The following ST3GAL3 variants were observed in gnomAD, a reference collection of about 807,000 sequenced individuals.
ST3GAL3 encodes ST3 beta-galactoside alpha-2,3-sialyltransferase 3.
A neutral mutation model predicts 50.1 loss-of-function variants in ST3GAL3; 21 were observed. The ratio of observed to expected loss-of-function variants is 0.42; its 90% CI spans 0.30 to 0.60. The LOEUF (loss-of-function observed/expected upper bound fraction) is 0.60. Among genes scored for constraint, ST3GAL3 ranks in the 20% least tolerant of loss-of-function variants. The pLI is 0.19. For missense variants in ST3GAL3, 353 were observed against 489.4 expected, an observed-to-expected ratio of 0.72 and a Z score of 2.63; for synonymous variants, 183 against 190.0, an observed-to-expected ratio of 0.96 and a Z score of 0.30.
intron 4 of ST3GAL3, among the ~76,000 whole-genome samples, chr1:43,822,052 T>A (rs182222629): frequency 2.0e-5 from 3 of 152,022 alleles, no homozygotes; most frequent in Non-Finnish European, 4.4e-5. Context: ...GTTGAAGAGA[T>A]TGCAAGTTGC....
chr1:43,744,806 C>G (rs536938074), intron 2 of ST3GAL3, among the ~76,000 whole-genome samples: 82 of 150,772 alleles, frequency 5.4e-4, no homozygotes, highest in African/African-American at 1.9e-3. Flanking sequence ...AGTTTGAGAC[C>G]GTGAAACCCC....
In ST3GAL3 at chr1:43,930,117, C is replaced by G; in HGVS notation, c.1039-15C>G. On this transcript the variant is annotated splice_polypyrimidine_tract_variant and intron_variant, in intron 11 of 11. Transcript: ENST00000347631. ...TGAGCAAAGGCCCAACTGATCACTT[C>G]ATCTCTCCTTTCAGTCCTGGACGCA... 1 of 1,613,390 alleles carries G rather than the reference C, an allele frequency of 6.2e-7. No homozygotes were observed. The highest frequency in any genetic ancestry group is 8.5e-7 in the Non-Finnish European group (1 of 1,179,332).
chr1:43,765,799 G>GCA (rs1558204106), intron 2 of ST3GAL3, among the ~76,000 whole-genome samples: 2 of 143,384 alleles, frequency 1.4e-5, no homozygotes, highest in Admixed American at 1.3e-4. Context: ...GCGCGCGCGC[G>GCA]CGTCCGCGCG....
chr1:43,725,989 T>A (rs1207055190), intron 1 of ST3GAL3, among the ~76,000 whole-genome samples: 1 of 152,158 alleles, frequency 6.6e-6, no homozygotes, highest in Non-Finnish European at 1.5e-5. Context: ...AAAGCATTTC[T>A]CTATACCATT....
chr1:43,811,079 C>G (rs938868114), intron 3 of ST3GAL3, among the ~76,000 whole-genome samples: 4 of 152,186 alleles, frequency 2.6e-5, no homozygotes, highest in Non-Finnish European at 5.9e-5. Context: ...TCCTACTGTT[C>G]CCTTAAAATG....
chr1:43,736,396 C>T lies in ST3GAL3; in HGVS notation c.118+16C>T, dbSNP rs1233749343. On this transcript the variant is annotated intron_variant, in intron 2 of 11. Transcript: ENST00000347631. ...GAGGACTCCAGTAAGTATAGTCACTCTAGCTCACCCCAGGAGAAGCCTGTT... is the reference window on the plus strand; with the variant it reads ...GAGGACTCCAGTAAGTATAGTCACTTTAGCTCACCCCAGGAGAAGCCTGTT... The T allele has an allele frequency of 6.2e-7, 1 of 1,614,034 alleles. No homozygotes were observed. Among genetic ancestry groups the T allele is most frequent in the Non-Finnish European group, 8.5e-7 (1 of 1,180,022 alleles).
At chr1:43,743,323 G>T in intron 2 of ST3GAL3, 1 of 189,928 alleles carries the variant, frequency 5.3e-6, no homozygotes, top group Non-Finnish European at 1.1e-5. Context: ...TTAGACTTCT[G>T]AAATCTAAAA....
intron 1 of ST3GAL3, among the ~76,000 whole-genome samples, chr1:43,730,699 T>C (rs148712459): frequency 0.017 from 2,536 of 151,414 alleles, 36 homozygotes; most frequent in Middle Eastern, 0.045. Flanking sequence ...GCCTCTCAAA[T>C]AGCTAGGACT....
intron 2 of ST3GAL3, among the ~76,000 whole-genome samples, chr1:43,759,984 G>A (rs934413291): frequency 6.6e-6 from 1 of 152,132 alleles, no homozygotes; most frequent in Non-Finnish European, 1.5e-5. Flanking sequence ...GGAAAAATAC[G>A]CATAAAACAC....
chr1:43,803,938 A>G (rs763684647), intron 3 of ST3GAL3, among the ~76,000 whole-genome samples: 6 of 152,322 alleles, frequency 3.9e-5, no homozygotes, highest in Admixed American at 2.6e-4. Context: ...CAGCCTGGCC[A>G]AAGCAGGAAG....
At chr1:43,787,584 G>C (rs981027657) in intron 2 of ST3GAL3, among the ~76,000 whole-genome samples, 1 of 152,184 alleles carries the variant, frequency 6.6e-6, no homozygotes, top group Admixed American at 6.5e-5. Flanking sequence ...CCTCTCACTT[G>C]CCTCTTCTGA....
chr1:43,739,761 C>G (rs1169776872), intron 2 of ST3GAL3, among the ~76,000 whole-genome samples: 1 of 152,032 alleles, frequency 6.6e-6, no homozygotes, highest in Non-Finnish European at 1.5e-5. Context: ...TTCATTAATT[C>G]CAAGGTGTAT....
At chr1:43,709,595 G>A (rs1279641302) in intron 1 of ST3GAL3, 3 of 151,780 alleles carry the variant, frequency 2.0e-5, no homozygotes, top group Admixed American at 6.6e-5. Context: ...TGCCCAGGCT[G>A]TTCTTGAACT....
At chr1:43,764,324 C>T (rs1314316244) in intron 2 of ST3GAL3, among the ~76,000 whole-genome samples, 2 of 152,026 alleles carry the variant, frequency 1.3e-5, no homozygotes, top group Non-Finnish European at 2.9e-5. Context: ...TGCAGAGTCT[C>T]AATTTTAAAG....
At chr1:43,917,649 A>AT (rs2082273014) in intron 9 of ST3GAL3, among the ~76,000 whole-genome samples, 1 of 68,562 alleles carries the variant, frequency 1.5e-5, no homozygotes, top group African/African-American at 5.3e-5. Flanking sequence ...TATAATATAT[A>AT]ATATAATATA....
intron 9 of ST3GAL3, among the ~76,000 whole-genome samples, chr1:43,909,946 A>G (rs2080503762): frequency 6.6e-6 from 1 of 152,218 alleles, no homozygotes; most frequent in Non-Finnish European, 1.5e-5. Context: ...ATCACCTACC[A>G]TGTTTTCAAA....
intron 9 of ST3GAL3, chr1:43,919,104 G>A (rs2082604823): frequency 1.2e-5 from 1 of 81,368 alleles, no homozygotes; most frequent in Non-Finnish European, 2.4e-5. Flanking sequence ...TTGAGACAGA[G>A]TCTCGCTCTG....
intron 11 of ST3GAL3, among the ~76,000 whole-genome samples, chr1:43,927,924 A>G (rs1192887648): frequency 6.6e-6 from 1 of 152,058 alleles, no homozygotes; most frequent in East Asian, 1.9e-4. Context: ...ACCACTTGAG[A>G]GGGGGTATGG....
intron 5 of ST3GAL3, among the ~76,000 whole-genome samples, chr1:43,887,381 A>G (rs1054929066): frequency 6.6e-6 from 1 of 152,230 alleles, no homozygotes; most frequent in African/African-American, 2.4e-5. Flanking sequence ...GATGGATGGG[A>G]TCTAGCCAAG....
Sources: gnomAD v4.1 joint callset for allele counts (sites outside exome capture counted in the v4.1 genomes callset) on GRCh38, gnomAD v4.1.1 for gene constraint, MANE v1.5 for transcripts, NCBI Gene and HGNC (gene_info 2026-07-23, HGNC 2026-07-21) for gene names.